The following NRXN3 variants were observed in gnomAD, a reference collection of about 807,000 sequenced individuals.
NRXN3 encodes the protein neurexin 3.
Under a neutral mutation model 137.6 loss-of-function variants are expected in NRXN3, and 32 were observed. The ratio of observed to expected loss-of-function variants is 0.23; its 90% CI spans 0.18 to 0.31. The LOEUF (loss-of-function observed/expected upper bound fraction) is 0.31, where lower values mean the gene tolerates loss of function less well. Ranked by LOEUF, NRXN3 falls within the 10% of genes least tolerant of loss-of-function variation. NRXN3 has a pLI of 1.00. For missense variants in NRXN3, 1,574 were observed against 2,062.5 expected (o/e 0.76, Z 4.59); for synonymous variants, 798 against 784.5 (o/e 1.02, Z -0.29).
At chr14:79,659,151 C>T (rs572676781) in intron 16 of NRXN3, among the ~76,000 whole-genome samples, 1 of 151,456 alleles carries the variant, frequency 6.6e-6, no homozygotes, top group South Asian at 2.1e-4. Flanking sequence ...TGAAGAGTGA[C>T]TTACTGGCTA....
intron 2 of NRXN3, among the ~76,000 whole-genome samples, chr14:78,265,758 G>A (rs886374198): frequency 6.6e-6 from 1 of 152,206 alleles, no homozygotes; most frequent in African/African-American, 2.4e-5. Context: ...TTGTCCAGCT[G>A]AGTGTACGTG....
intron 15 of NRXN3, among the ~76,000 whole-genome samples, chr14:79,335,789 G>A (rs929023003): frequency 1.3e-5 from 2 of 151,914 alleles, no homozygotes; most frequent in Non-Finnish European, 2.9e-5. Context: ...ATTTAGTTAA[G>A]TGCAGTCCTA....
chr14:79,368,260 G>A (rs1408689332), intron 15 of NRXN3, among the ~76,000 whole-genome samples: 4 of 152,166 alleles, frequency 2.6e-5, no homozygotes, highest in Non-Finnish European at 4.4e-5. Flanking sequence ...TGAAAAGTTG[G>A]TTGTAAAAAC....
chr14:79,398,331 T>C (rs979740162), intron 15 of NRXN3, among the ~76,000 whole-genome samples: 2 of 152,162 alleles, frequency 1.3e-5, no homozygotes, highest in African/African-American at 4.8e-5. Flanking sequence ...TATCAGGAAG[T>C]TCTTTGCAAG....
At chr14:79,698,191 G>A (rs1296885743) in intron 19 of NRXN3, among the ~76,000 whole-genome samples, 2 of 151,884 alleles carry the variant, frequency 1.3e-5, no homozygotes, top group Non-Finnish European at 2.9e-5. Flanking sequence ...TATTCAAAAC[G>A]AGCAATGGAC....
At chr14:78,719,386 C>T (rs1468795683) in intron 8 of NRXN3, among the ~76,000 whole-genome samples, 1 of 150,366 alleles carries the variant, frequency 6.7e-6, no homozygotes, top group Non-Finnish European at 1.5e-5. Flanking sequence ...TCGGGGCCTC[C>T]CTTTTTAGGC....
chr14:79,712,164 A>C (rs2098806724), intron 19 of NRXN3, among the ~76,000 whole-genome samples: 1 of 152,230 alleles, frequency 6.6e-6, no homozygotes, highest in Non-Finnish European at 1.5e-5. Context: ...GTCCTGCTCT[A>C]TACTGGTAAC....
At chr14:79,360,176 C>T (rs1033134763) in intron 15 of NRXN3, among the ~76,000 whole-genome samples, 1 of 152,210 alleles carries the variant, frequency 6.6e-6, no homozygotes, top group East Asian at 1.9e-4. Context: ...TAGCTTCCTC[C>T]CAACTCCCAT....
chr14:78,894,271 G>A (rs1179969468), intron 10 of NRXN3, among the ~76,000 whole-genome samples: 1 of 151,920 alleles, frequency 6.6e-6, no homozygotes, highest in Non-Finnish European at 1.5e-5. Context: ...AAAACTTGCA[G>A]GTGCTTTATC....
At chr14:79,099,897 C>T (rs2050963104) in intron 15 of NRXN3, among the ~76,000 whole-genome samples, 1 of 152,140 alleles carries the variant, frequency 6.6e-6, no homozygotes, top group Non-Finnish European at 1.5e-5. Context: ...TTTTAGCTAT[C>T]AGTGATATTA....
intron 4 of NRXN3, among the ~76,000 whole-genome samples, chr14:78,493,601 A>G (rs1174962070): frequency 6.6e-6 from 1 of 152,064 alleles, no homozygotes; most frequent in Non-Finnish European, 1.5e-5. Context: ...AATAGATTTC[A>G]TCTTTGGACT....
chr14:79,390,771 G>A (rs1171280898), intron 15 of NRXN3, among the ~76,000 whole-genome samples: 1 of 152,066 alleles, frequency 6.6e-6, no homozygotes, highest in African/African-American at 2.4e-5. Flanking sequence ...TGGTTTGAAT[G>A]TGTCCCCTAA....
Position 79,681,626 on chromosome 14 carries a change from C to G in NRXN3, c.3617-10547C>G, listed in dbSNP as rs139984337. Among the ~76,000 whole-genome samples, 148 of 152,044 alleles carry G rather than the reference C, an allele frequency of 9.7e-4. 1 individual carries two copies. Among genetic ancestry groups the G allele is most frequent in the African/African-American group, 3.4e-3 (141 of 41,452 alleles). On this transcript the variant is annotated intron_variant, in intron 17 of 20. Transcript: ENST00000335750. The stretch of plus-strand genomic sequence containing the variant: ...ATCACATTTGCTAGTGCCCATATGC[C>G]CAAGCAAGTCTCACGGCCCACCCAG...
chr14:79,268,422 T>TTC (rs1219044530), intron 15 of NRXN3, among the ~76,000 whole-genome samples: 12 of 152,240 alleles, frequency 7.9e-5, no homozygotes, highest in African/African-American at 2.9e-4. Context: ...GTAGTTCTGC[T>TTC]TCTCTAGGTC....
chr14:78,228,860 G>A (rs763601709), intron 1 of NRXN3, among the ~76,000 whole-genome samples: 28 of 152,160 alleles, frequency 1.8e-4, no homozygotes, highest in Non-Finnish European at 3.4e-4. Flanking sequence ...TCATGCGGAC[G>A]GTGATAACCT....
Position 78,975,863 on chromosome 14 carries a change from A to G in NRXN3, c.3142+7517A>G, listed in dbSNP as rs1453781131. Among the ~76,000 whole-genome samples, 4 of 152,180 alleles carry G rather than the reference A, an allele frequency of 2.6e-5. No individual in the cohort carries two copies. In the East Asian group the frequency reaches 7.7e-4, roughly 29 times the overall value. The stretch of plus-strand genomic sequence containing the variant: ...TTATGACAAAAGATATCAAGAAAGA[A>G]GTTTACCGACTTTCCTGGTTTCAGG... On this transcript the variant is annotated intron_variant, in intron 14 of 20. Coordinates refer to ENST00000335750, the MANE Select transcript of NRXN3 (RefSeq NM_001330195.2).
chr14:79,689,007 T>A (rs2193673), intron 17 of NRXN3, among the ~76,000 whole-genome samples: 3,364 of 152,208 alleles, frequency 0.022, 158 homozygotes, highest in East Asian at 0.21. Flanking sequence ...GAAGATCTCT[T>A]TGTATAATTT....
At chr14:78,675,667 A>C (rs2097995917) in intron 6 of NRXN3, among the ~76,000 whole-genome samples, 1 of 152,196 alleles carries the variant, frequency 6.6e-6, no homozygotes, top group Non-Finnish European at 1.5e-5. Context: ...AGTGTTGGGA[A>C]AGATTCTAGT....
At chr14:78,799,058 T>G (rs983214201) in intron 8 of NRXN3, among the ~76,000 whole-genome samples, 1 of 152,248 alleles carries the variant, frequency 6.6e-6, no homozygotes, top group African/African-American at 2.4e-5. Flanking sequence ...CTCATTGTCT[T>G]GGCGATTAAC....
Sources: allele counts gnomAD v4.1 joint callset (sites outside exome capture counted in the v4.1 genomes callset), GRCh38; gene constraint gnomAD v4.1.1; transcripts MANE v1.5; gene names NCBI Gene and HGNC (gene_info 2026-07-23, HGNC 2026-07-21).